Variants in AK5 observed in about 807,000 individuals in gnomAD.
AK5 encodes the protein adenylate kinase 5, also known as adenylate kinase isoenzyme 5.
In AK5, 27 loss-of-function variants were observed where a neutral mutation model predicts 69.5. That is an observed-to-expected ratio of 0.39 (90% CI 0.29 to 0.54). The LOEUF is 0.54. Ranked by LOEUF, AK5 falls within the 20% of genes least tolerant of loss-of-function variation. The pLI is 0.71. For synonymous variants in AK5, 260 were observed against 244.4 expected (o/e 1.06, Z -0.60); for missense variants, 531 against 700.4 (o/e 0.76, Z 2.73).
chr1:77,488,305 A>G (rs1319304594), intron 10 of AK5, among the ~76,000 whole-genome samples: 2 of 152,222 alleles, frequency 1.3e-5, no homozygotes, highest in Non-Finnish European at 2.9e-5. Flanking sequence ...ACCCAATGTC[A>G]TAATTGCAAA....
chr1:77,536,358 G>A lies in AK5; in HGVS notation c.1620+320G>A, dbSNP rs189547063. On this transcript the variant is annotated intron_variant, in intron 13 of 13. Transcript: ENST00000354567. Reference sequence around the variant, plus strand: ...AATCCCAGCTACTCAAGAGGCTGACGTGGGAGGATTGCTTGAGCCCCAGAG... The same window carrying A: ...AATCCCAGCTACTCAAGAGGCTGACATGGGAGGATTGCTTGAGCCCCAGAG... Among the ~76,000 whole-genome samples, 6 of 152,314 alleles carry A rather than the reference G, an allele frequency of 3.9e-5. No individual in the cohort carries two copies. In the East Asian group the frequency reaches 7.7e-4, roughly 20 times the overall value.
chr1:77,353,557 G>C (rs953728382), intron 6 of AK5, among the ~76,000 whole-genome samples: 1 of 152,168 alleles, frequency 6.6e-6, no homozygotes. Flanking sequence ...GGTAAAGATA[G>C]GGACTTGCTA....
chr1:77,478,284 C>G (rs1340629522), intron 8 of AK5, among the ~76,000 whole-genome samples: 1 of 152,168 alleles, frequency 6.6e-6, no homozygotes, highest in Non-Finnish European at 1.5e-5. Context: ...CTCTGTGTCC[C>G]CACCCAAATC....
chr1:77,374,307 TC>T (rs1325650026), intron 6 of AK5, among the ~76,000 whole-genome samples: 1 of 152,114 alleles, frequency 6.6e-6, no homozygotes, highest in Non-Finnish European at 1.5e-5. Context: ...TAGCAAAGTG[TC>T]CAATTAATTC....
At chr1:77,292,207 A>G (rs1214625377) in intron 2 of AK5, among the ~76,000 whole-genome samples, 2 of 152,176 alleles carry the variant, frequency 1.3e-5, no homozygotes, top group Non-Finnish European at 2.9e-5. Flanking sequence ...AATGTTTTGA[A>G]TTTTGTCTAA....
chr1:77,372,933 A>G (rs1256219154), intron 6 of AK5, among the ~76,000 whole-genome samples: 1 of 152,176 alleles, frequency 6.6e-6, no homozygotes, highest in African/African-American at 2.4e-5. Context: ...ATAGGGATCT[A>G]TGTCATTTGT....
At chr1:77,365,563 A>T (rs1646936040) in intron 6 of AK5, among the ~76,000 whole-genome samples, 1 of 152,252 alleles carries the variant, frequency 6.6e-6, no homozygotes, top group Admixed American at 6.5e-5. Context: ...TTTCAGGATG[A>T]AACTGTTCCA....
chr1:77,315,755 G>A (rs1660213236), intron 5 of AK5, among the ~76,000 whole-genome samples: 1 of 152,104 alleles, frequency 6.6e-6, no homozygotes, highest in East Asian at 1.9e-4. Flanking sequence ...GACTGGTGAA[G>A]CTTAATTTAT....
chr1:77,408,979 G>A (rs4562674), intron 6 of AK5, among the ~76,000 whole-genome samples: 33,453 of 151,932 alleles, frequency 0.22, 3,855 homozygotes, highest in East Asian at 0.31. Context: ...AGTTCTTATC[G>A]TTTAGCTCCC....
chr1:77,508,781 C>T (rs935793270), intron 10 of AK5, among the ~76,000 whole-genome samples: 1 of 151,516 alleles, frequency 6.6e-6, no homozygotes, highest in Non-Finnish European at 1.5e-5. Flanking sequence ...GCAGGAGAAT[C>T]ACTTGAACCC....
intron 8 of AK5, among the ~76,000 whole-genome samples, chr1:77,452,115 T>C: frequency 6.6e-6 from 1 of 152,272 alleles, no homozygotes; most frequent in Non-Finnish European, 1.5e-5. Flanking sequence ...TTTAATTTAT[T>C]CTTTTTTATA....
intron 6 of AK5, chr1:77,349,398 G>C (rs574345995): frequency 7.2e-5 from 11 of 152,266 alleles, no homozygotes; most frequent in African/African-American, 2.4e-4. Context: ...TTGTAAATGA[G>C]AAAAACGAAA....
chr1:77,500,481 A>G (rs777574694), intron 10 of AK5, among the ~76,000 whole-genome samples: 7 of 152,144 alleles, frequency 4.6e-5, no homozygotes, highest in Admixed American at 1.3e-4. Flanking sequence ...TAAAGTGTCC[A>G]TTAAAGACAA....
chr1:77,551,435 AG>A (rs1320807866), intron 13 of AK5, among the ~76,000 whole-genome samples: 1 of 152,156 alleles, frequency 6.6e-6, no homozygotes, highest in Non-Finnish European at 1.5e-5. Flanking sequence ...TGGGCTCCAC[AG>A]GGGCAAGCAC....
Position 77,336,284 on chromosome 1 carries a change from G to C in AK5, c.700-4093G>C, listed in dbSNP as rs1332494872. ...TTTAGTGGAGACAGGGTTTCACCAT[G>C]TTGGTCAGGATGGTCTCGATCTCTT... is the stretch of plus-strand genomic sequence containing the variant. On this transcript the variant is annotated intron_variant, in intron 5 of 13. Transcript: ENST00000354567. 5.3e-5 allele frequency among the ~76,000 whole-genome samples: 8 copies of C among 152,088 alleles called. No homozygotes were observed. The East Asian group carries it at 1.6e-3, about 29-fold the overall frequency.
chr1:77,532,006 C>CCGGCCGGT (rs1380848956), intron 12 of AK5: 1 of 151,352 alleles, frequency 6.6e-6, no homozygotes, highest in Admixed American at 6.6e-5. Context: ...GGCCGGCCGG[C>CCGGCCGGT]CGCTCCGAGT....
Position 77,479,196 on chromosome 1 carries a change from CTTTTTTT to C in AK5, c.1060-4102_1060-4096del, listed in dbSNP as rs67079216. Among the ~76,000 whole-genome samples, 330 of 71,944 alleles carry C rather than the reference CTTTTTTT, an allele frequency of 4.6e-3. 3 individuals are homozygous for C. The highest frequency in any genetic ancestry group is 7.6e-3 in the Admixed American group (40 of 5,280). The allele number at this position is 71,944 out of a possible 152,430, so 47.2% of individuals were successfully genotyped here. A position where few individuals can be genotyped will look rare whatever the true frequency, so the allele number is the denominator to read the frequency against. On this transcript the variant is annotated intron_variant, in intron 8 of 13. Transcript: ENST00000354567. Reference sequence around the variant, plus strand: ...AAATGAGGTAGCAACCTGAAATTGTCTTTTTTTTTTTTTTTTTTTTTTTTTGAGGCGG... The same window carrying C: ...AAATGAGGTAGCAACCTGAAATTGTCTTTTTTTTTTTTTTTTTTGAGGCGG...
intron 5 of AK5, among the ~76,000 whole-genome samples, chr1:77,324,324 T>C (rs1455339503): frequency 1.8e-5 from 1 of 55,600 alleles, no homozygotes; most frequent in African/African-American, 5.6e-5. Context: ...TTTGCGTGTG[T>C]GTGTGTGTGT....
At chr1:77,413,003 A>G (rs1650147755) in intron 7 of AK5, among the ~76,000 whole-genome samples, 1 of 151,704 alleles carries the variant, frequency 6.6e-6, no homozygotes, top group East Asian at 1.9e-4. Flanking sequence ...GCTGCCATGG[A>G]GATCTTCACA....
Sources: allele counts gnomAD v4.1 joint callset (sites outside exome capture counted in the v4.1 genomes callset), GRCh38; gene constraint gnomAD v4.1.1; transcripts MANE v1.5; gene names NCBI Gene and HGNC (gene_info 2026-07-23, HGNC 2026-07-21).